The following KAZN variants were observed in gnomAD, a reference collection of about 807,000 sequenced individuals.
The protein encoded by KAZN is kazrin.
In KAZN, 40 loss-of-function variants were observed where a neutral mutation model predicts 87.4. That is an observed-to-expected ratio of 0.46 (90% CI 0.36 to 0.60). The LOEUF (loss-of-function observed/expected upper bound fraction) is 0.60. Ranked by LOEUF, KAZN falls within the 20% of genes least tolerant of loss-of-function variation. The pLI is 0.00. For synonymous variants in KAZN, 466 were observed against 458.3 expected (o/e 1.02, Z -0.22); for missense variants, 898 against 1,073.9 (o/e 0.84, Z 2.29).
intron 2 of KAZN, among the ~76,000 whole-genome samples, chr1:14,395,447 C>T (rs528134524): frequency 5.3e-5 from 8 of 152,208 alleles, no homozygotes; most frequent in African/African-American, 1.7e-4. Flanking sequence ...GGGGCTCTTA[C>T]CACCGCCAGG....
rs1357628052 is a variant in KAZN at position 14,760,847 on chromosome 1, G to T, written c.226+161624G>T. On this transcript the variant is annotated intron_variant, in intron 1 of 14. Transcript: ENST00000376030. ...GGGGCTTAGCAAACTTTTTTCTATA[G>T]AGGGCCAGATAGTAAATACATTACA... Among the ~76,000 whole-genome samples, 6 of 152,278 alleles carry T rather than the reference G, an allele frequency of 3.9e-5. 1 individual carries two copies. In the South Asian group the frequency reaches 1.2e-3, roughly 32 times the overall value.
intron 1 of KAZN, among the ~76,000 whole-genome samples, chr1:14,600,995 A>T (rs993753948): frequency 6.6e-5 from 10 of 152,228 alleles, no homozygotes; most frequent in Non-Finnish European, 1.0e-4. Context: ...GTGGAGCAAC[A>T]GGGGGCTGAT....
intron 2 of KAZN, among the ~76,000 whole-genome samples, chr1:14,258,397 T>TTTA (rs1468797599): frequency 6.7e-6 from 1 of 150,014 alleles, no homozygotes; most frequent in African/African-American, 2.5e-5. Flanking sequence ...TGTATTTTTT[T>TTTA]TTTTTTTTTT....
chr1:14,878,906 C>T (rs1385728398), intron 1 of KAZN, among the ~76,000 whole-genome samples: 1 of 152,204 alleles, frequency 6.6e-6, no homozygotes, highest in Non-Finnish European at 1.5e-5. Flanking sequence ...GTTCCTGAGG[C>T]CTAAGCTGGC....
chr1:14,011,271 C>T (rs61777682), intron 1 of KAZN, among the ~76,000 whole-genome samples: 6,621 of 152,246 alleles, frequency 0.043, 218 homozygotes, highest in Non-Finnish European at 0.065. Flanking sequence ...AGATTCGTTT[C>T]GCACTCTTTC....
intron 1 of KAZN, among the ~76,000 whole-genome samples, chr1:14,047,696 C>T (rs898525863): frequency 3.9e-5 from 6 of 151,922 alleles, no homozygotes; most frequent in African/African-American, 1.2e-4. Flanking sequence ...GGTGAAACCC[C>T]GTCTCTACTA....
At chr1:13,975,697 A>G (rs556481357) in intron 1 of KAZN, among the ~76,000 whole-genome samples, 6 of 152,206 alleles carry the variant, frequency 3.9e-5, no homozygotes, top group Non-Finnish European at 7.3e-5. Flanking sequence ...GGTAGATAGT[A>G]TTGACTCAAT....
intron 2 of KAZN, among the ~76,000 whole-genome samples, chr1:14,486,605 C>T (rs1427313995): frequency 6.6e-6 from 1 of 152,202 alleles, no homozygotes; most frequent in African/African-American, 2.4e-5. Context: ...ATAGCCTGTA[C>T]ATTTAAGATC....
At chr1:14,485,347 CTT>C (rs1299899848) in intron 2 of KAZN, among the ~76,000 whole-genome samples, 1 of 152,158 alleles carries the variant, frequency 6.6e-6, no homozygotes, top group Non-Finnish European at 1.5e-5. Context: ...CCAGATATGT[CTT>C]TATGAGGTAG....
chr1:14,764,173 G>T (rs1354055513), intron 1 of KAZN, among the ~76,000 whole-genome samples: 1 of 152,136 alleles, frequency 6.6e-6, no homozygotes, highest in African/African-American at 2.4e-5. Context: ...CGGCAGGAGG[G>T]TAGAATCCAC....
At chr1:14,975,863 C>G (rs532512266) in intron 2 of KAZN, among the ~76,000 whole-genome samples, 1 of 152,094 alleles carries the variant, frequency 6.6e-6, no homozygotes, top group South Asian at 2.1e-4. Flanking sequence ...AACCCCGTCT[C>G]TACTAAAAAT....
At chr1:14,566,689 G>T (rs1243590489) in intron 2 of KAZN, among the ~76,000 whole-genome samples, 1 of 152,236 alleles carries the variant, frequency 6.6e-6, no homozygotes, top group Non-Finnish European at 1.5e-5. Flanking sequence ...ATAACTTGCT[G>T]CAGCTTCTCC....
intron 1 of KAZN, among the ~76,000 whole-genome samples, chr1:14,077,998 G>A (rs1643526530): frequency 1.3e-5 from 2 of 152,334 alleles, no homozygotes; most frequent in Admixed American, 1.3e-4. Flanking sequence ...TTGGACTTCT[G>A]TTCTCCAAGA....
intron 2 of KAZN, among the ~76,000 whole-genome samples, chr1:14,212,398 A>G (rs1393504043): frequency 6.6e-6 from 1 of 152,026 alleles, no homozygotes; most frequent in Non-Finnish European, 1.5e-5. Context: ...TTAAAGTTTT[A>G]CTTCAAAGGA....
At chr1:13,956,846 T>C (rs944415349) in intron 1 of KAZN, among the ~76,000 whole-genome samples, 3 of 152,148 alleles carry the variant, frequency 2.0e-5, no homozygotes, top group Non-Finnish European at 4.4e-5. Context: ...GATGAGTAAA[T>C]AAAGACCCAA....
At chr1:14,705,333 A>G (rs1642154612) in intron 1 of KAZN, among the ~76,000 whole-genome samples, 1 of 152,238 alleles carries the variant, frequency 6.6e-6, no homozygotes, top group Non-Finnish European at 1.5e-5. Context: ...TGTTGGTATG[A>G]ATGTAAACTA....
intron 2 of KAZN, among the ~76,000 whole-genome samples, chr1:14,188,291 G>A (rs761464936): frequency 4.0e-5 from 6 of 151,454 alleles, no homozygotes; most frequent in Non-Finnish European, 5.9e-5. Context: ...TTAGTTTTGT[G>A]TGTTAAGCAT....
chr1:14,195,575 T>A (rs943130429), intron 2 of KAZN, among the ~76,000 whole-genome samples: 2 of 149,104 alleles, frequency 1.3e-5, no homozygotes, highest in Non-Finnish European at 3.0e-5. Flanking sequence ...ACTGACAAAA[T>A]GAGGCAGAAA....
chr1:14,594,739 C>T (rs929773022), upstream of KAZN, among the ~76,000 whole-genome samples: 13 of 152,210 alleles, frequency 8.5e-5, no homozygotes, highest in Admixed American at 6.5e-5. Flanking sequence ...GAATCCTTCT[C>T]CCAACAGTTT....
Sources: gnomAD v4.1 joint callset for allele counts (sites outside exome capture counted in the v4.1 genomes callset) on GRCh38, gnomAD v4.1.1 for gene constraint, MANE v1.5 for transcripts, NCBI Gene and HGNC (gene_info 2026-07-23, HGNC 2026-07-21) for gene names.